NTSR1: variants seen among roughly 807,000 people sequenced by gnomAD.
The protein encoded by NTSR1 is neurotensin receptor type 1.
A neutral mutation model predicts 31.2 loss-of-function variants in NTSR1; 29 were observed. That is an observed-to-expected ratio of 0.93 (90% CI 0.69 to 1.27). The LOEUF (loss-of-function observed/expected upper bound fraction) is 1.27, where lower values mean the gene tolerates loss of function less well. Among genes scored for constraint, NTSR1 ranks in the 50% most tolerant of loss-of-function variants. NTSR1 has a pLI of 0.00. For missense variants in NTSR1, 697 were observed against 595.4 expected, an observed-to-expected ratio of 1.17 and a Z score of -1.78; for synonymous variants, 282 against 269.9, an observed-to-expected ratio of 1.04 and a Z score of -0.44.
At chr20:62,728,743 G>C (rs969366062) in intron 1 of NTSR1, among the ~76,000 whole-genome samples, 3 of 152,122 alleles carry the variant, frequency 2.0e-5, no homozygotes, top group Admixed American at 2.0e-4. Context: ...CAGGTTTCAC[G>C]GCAGCCACTT....
chr20:62,726,109 C>T (rs576065150), intron 1 of NTSR1, among the ~76,000 whole-genome samples: 4 of 152,334 alleles, frequency 2.6e-5, no homozygotes, highest in South Asian at 2.1e-4. Context: ...ACCGGGTCAC[C>T]GGCAGCTCCA....
intron 1 of NTSR1, among the ~76,000 whole-genome samples, chr20:62,716,040 G>A (rs907041808): frequency 6.6e-6 from 1 of 152,208 alleles, no homozygotes; most frequent in African/African-American, 2.4e-5. Flanking sequence ...TTGATTCATG[G>A]TGAAACACAC....
intron 1 of NTSR1, chr20:62,735,195 T>A (rs1424023764): frequency 1.3e-5 from 2 of 152,334 alleles, no homozygotes; most frequent in African/African-American, 4.8e-5. Context: ...GGTTAGGGGG[T>A]GGGAGGCCAC....
rs1989036348 is a variant in NTSR1, at chr20:62,733,570, C to G, written c.715-21115C>G. 6.6e-6 allele frequency among the ~76,000 whole-genome samples: 1 copy of G among 151,972 alleles called. No individual in the cohort carries two copies. Among genetic ancestry groups the G allele is most frequent in the South Asian group, 2.1e-4 (1 of 4,816 alleles). On this transcript the variant is annotated intron_variant, in intron 1 of 3. Transcript: ENST00000370501. The surrounding 1 kb of genome is among the most constrained non-coding windows in gnomAD (Gnocchi z 5.2). The stretch of plus-strand genomic sequence containing the variant: ...CTCAGGCCTGTCTCACCTAGCAATG[C>G]AGGGTGAGCCATGTGGGCTGGCTTC...
chr20:62,748,216 A>G (rs1989336207), intron 1 of NTSR1, among the ~76,000 whole-genome samples: 1 of 152,150 alleles, frequency 6.6e-6, no homozygotes, highest in African/African-American at 2.4e-5. Flanking sequence ...AATAGCATCA[A>G]AAAGAGTAAA....
In NTSR1 at chr20:62,744,046, C is replaced by T. The variant is rs1159165907; in HGVS notation, c.715-10639C>T. Among the ~76,000 whole-genome samples, 1 of 152,184 alleles carries T rather than the reference C, an allele frequency of 6.6e-6. No homozygotes were observed. The highest frequency in any genetic ancestry group is 6.5e-5 in the Admixed American group (1 of 15,288). On this transcript the variant is annotated intron_variant, in intron 1 of 3. Transcript: ENST00000370501. The surrounding 1 kb of genome is among the most constrained non-coding windows in gnomAD (Gnocchi z 4.1). ...CATTATCTAACCTTTCACTCCACCT[C>T]CGTCCTCCCCATCAAAATTACACAT...
intron 3 of NTSR1, among the ~76,000 whole-genome samples, chr20:62,759,526 G>A (rs1189708461): frequency 6.6e-6 from 1 of 152,196 alleles, no homozygotes; most frequent in Non-Finnish European, 1.5e-5. Flanking sequence ...TGTAATCCCA[G>A]CACTTTGGGA....
intron 1 of NTSR1, among the ~76,000 whole-genome samples, chr20:62,723,261 G>C (rs937297888): frequency 6.6e-6 from 1 of 152,182 alleles, no homozygotes; most frequent in African/African-American, 2.4e-5. Flanking sequence ...TCCTGCTTGG[G>C]CATCACTCAA....
intron 1 of NTSR1, among the ~76,000 whole-genome samples, chr20:62,749,882 A>G (rs992974008): frequency 6.6e-6 from 1 of 152,166 alleles, no homozygotes; most frequent in Admixed American, 6.5e-5. Flanking sequence ...TACGGAAAAC[A>G]GGATGGGGGC....
At position 62,762,546 on chromosome 20, in the gene NTSR1, C is replaced by T. The variant is rs1300661176; in HGVS notation, c.*2279C>T. On this transcript the variant is annotated 3_prime_UTR_variant, in exon 4 of 4. Transcript: ENST00000370501. ...CGCACCACAGACACACCCACGACAC[C>T]TGATCTCGTATCACTAGCTTGCGGC... The T allele has an allele frequency of 6.6e-6, 1 of 152,128 alleles. No individual in the cohort carries two copies. Among genetic ancestry groups the T allele is most frequent in the East Asian group, 1.9e-4 (1 of 5,184 alleles). 9.4% of individuals were successfully genotyped at this position (152,128 alleles called of 1,614,324 possible).
chr20:62,741,502 C>T lies in NTSR1; in HGVS notation c.715-13183C>T, dbSNP rs991377376. Among the ~76,000 whole-genome samples, 19 of 149,470 alleles carry T rather than the reference C, an allele frequency of 1.3e-4. 3 individuals carry two copies. Among genetic ancestry groups the T allele is most frequent in the African/African-American group, 4.0e-4 (16 of 40,022 alleles). ...CTTGCCCCCAGCTGGCTTGGGGGTC[C>T]CTACACCGGCCCCCTGCCCCACACC... On this transcript the variant is annotated intron_variant, in intron 1 of 3. Coordinates refer to ENST00000370501, the MANE Select transcript of NTSR1 (RefSeq NM_002531.3). This position sits in a 1 kb window ranked among gnomAD's most constrained non-coding sequence, Gnocchi z 4.3.
chr20:62,719,362 A>G (rs1016551788), intron 1 of NTSR1, among the ~76,000 whole-genome samples: 4 of 114,662 alleles, frequency 3.5e-5, no homozygotes, highest in African/African-American at 1.1e-4. Context: ...TAAAATGTAC[A>G]TCACGTAAAA....
intron 1 of NTSR1, among the ~76,000 whole-genome samples, chr20:62,716,813 C>G (rs957781313): frequency 6.6e-6 from 1 of 152,220 alleles, no homozygotes; most frequent in East Asian, 1.9e-4. Flanking sequence ...ACGAGGCTAG[C>G]TCTGCAAGGG....
intron 1 of NTSR1, among the ~76,000 whole-genome samples, chr20:62,747,504 C>T (rs1189845703): frequency 6.7e-6 from 1 of 149,254 alleles, no homozygotes; most frequent in Admixed American, 6.6e-5. Flanking sequence ...CCACAGCTAA[C>T]ACCACACTCA....
At chr20:62,729,626 ATTTTTTTT>A (rs36003279) in intron 1 of NTSR1, among the ~76,000 whole-genome samples, 1 of 122,790 alleles carries the variant, frequency 8.1e-6, no homozygotes, top group Non-Finnish European at 1.7e-5. Flanking sequence ...GGGGTTTCTA[ATTTTTTTT>A]TTTTTTTTTT....
At chr20:62,759,216 T>C (rs6010694) in intron 3 of NTSR1, among the ~76,000 whole-genome samples, 8,226 of 152,202 alleles carry the variant, frequency 0.054, 690 homozygotes, top group African/African-American at 0.18. Context: ...GTGTGGCCCC[T>C]GCAAAAGCTT....
intron 1 of NTSR1, among the ~76,000 whole-genome samples, chr20:62,754,354 C>T (rs1405207723): frequency 6.6e-6 from 1 of 152,210 alleles, no homozygotes; most frequent in East Asian, 1.9e-4. Context: ...GAGCCTAGGG[C>T]CTTTGCCACA....
chr20:62,727,557 G>C (rs575057855), intron 1 of NTSR1, among the ~76,000 whole-genome samples: 1 of 152,210 alleles, frequency 6.6e-6, no homozygotes, highest in Non-Finnish European at 1.5e-5. Context: ...TGGTACGGCC[G>C]CTGGGCAGTG....
intron 3 of NTSR1, among the ~76,000 whole-genome samples, chr20:62,759,513 G>A (rs1463330408): frequency 6.6e-5 from 10 of 151,240 alleles, no homozygotes; most frequent in Admixed American, 6.6e-4. Flanking sequence ...GGTGGCTCAC[G>A]CCTGTAATCC....
Sources: gnomAD v4.1 joint callset for allele counts (sites outside exome capture counted in the v4.1 genomes callset) on GRCh38, gnomAD v4.1.1 for gene constraint, Gnocchi (gnomAD v3.1) non-coding constraint, MANE v1.5 for transcripts, NCBI Gene and HGNC (gene_info 2026-07-23, HGNC 2026-07-21) for gene names.